BAZ2B: variants seen among roughly 807,000 people sequenced by gnomAD.
BAZ2B encodes the protein bromodomain adjacent to zinc finger domain protein 2B.
BAZ2B carries 91 observed loss-of-function variants against 246.0 expected under a neutral mutation model. The ratio of observed to expected loss-of-function variants is 0.37; its 90% CI spans 0.31 to 0.44. BAZ2B has a LOEUF of 0.44. Among genes scored for constraint, BAZ2B ranks in the 20% least tolerant of loss-of-function variants. The pLI, the probability that BAZ2B is intolerant of heterozygous loss-of-function variation, is 1.00. For missense variants in BAZ2B, 2,332 were observed against 2,533.7 expected, an observed-to-expected ratio of 0.92 and a Z score of 1.71; for synonymous variants, 855 against 860.0, an observed-to-expected ratio of 0.99 and a Z score of 0.10.
intron 3 of BAZ2B, among the ~76,000 whole-genome samples, chr2:159,473,728 T>G (rs1246493198): frequency 6.6e-6 from 1 of 152,212 alleles, no homozygotes; most frequent in African/African-American, 2.4e-5. Flanking sequence ...AAACACTGCT[T>G]TAGCTGTGTC....
chr2:159,350,909 C>T (rs991046620), intron 27 of BAZ2B, among the ~76,000 whole-genome samples: 1 of 114,612 alleles, frequency 8.7e-6, no homozygotes, highest in Non-Finnish European at 1.9e-5. Context: ...AATTAAAATC[C>T]GGTGGGGGGA....
chr2:159,685,822 A>G, the BAZ2B span, among the ~76,000 whole-genome samples: 1 of 152,260 alleles, frequency 6.6e-6, no homozygotes, highest in South Asian at 2.1e-4. Context: ...AATCTTCCTT[A>G]CAGGATATGT....
intron 1 of BAZ2B, among the ~76,000 whole-genome samples, chr2:159,571,731 C>T (rs1256409339): frequency 1.3e-5 from 2 of 152,088 alleles, no homozygotes; most frequent in Admixed American, 1.3e-4. Flanking sequence ...CTGGGAAGTC[C>T]AAGAGCATGG....
chr2:159,441,035 A>C (rs2073299318), intron 6 of BAZ2B, among the ~76,000 whole-genome samples: 1 of 152,176 alleles, frequency 6.6e-6, no homozygotes, highest in South Asian at 2.1e-4. Context: ...TATTAATATT[A>C]AGACTACCAT....
chr2:159,367,381 G>A (rs911481198), intron 27 of BAZ2B, among the ~76,000 whole-genome samples: 13 of 152,066 alleles, frequency 8.5e-5, no homozygotes, highest in African/African-American at 3.1e-4. Flanking sequence ...TGTAATGCTT[G>A]TGGTATATAT....
chr2:159,679,041 G>T, the BAZ2B span, among the ~76,000 whole-genome samples: 1 of 152,128 alleles, frequency 6.6e-6, no homozygotes, highest in Non-Finnish European at 1.5e-5. Flanking sequence ...GGGAGGCCGA[G>T]GCGGGCGGAT....
At chr2:159,612,231 T>G (rs1317014336) in intron 1 of BAZ2B, among the ~76,000 whole-genome samples, 1 of 152,064 alleles carries the variant, frequency 6.6e-6, no homozygotes, top group Non-Finnish European at 1.5e-5. Context: ...TTTTCTTTTG[T>G]GATTACTTCC....
intron 31 of BAZ2B, among the ~76,000 whole-genome samples, chr2:159,341,098 G>A (rs1479359394): frequency 2.6e-5 from 4 of 151,794 alleles, no homozygotes; most frequent in Non-Finnish European, 4.4e-5. Flanking sequence ...AAAAAAACAA[G>A]GCCCAACTAT....
At chr2:159,631,777 G>A in the BAZ2B span, among the ~76,000 whole-genome samples, 1 of 151,986 alleles carries the variant, frequency 6.6e-6, no homozygotes, top group Non-Finnish European at 1.5e-5. Flanking sequence ...TTTGAAAACT[G>A]GTAAATAAAG....
At chr2:159,680,782 T>C in the BAZ2B span, among the ~76,000 whole-genome samples, 136 of 152,336 alleles carry the variant, frequency 8.9e-4, no homozygotes, top group African/African-American at 3.2e-3. Context: ...TTACCCCCTA[T>C]TGCAAAATAA....
chr2:159,373,029 G>T lies in BAZ2B; in HGVS notation c.4213+16C>A. On this transcript the variant is annotated intron_variant, in intron 27 of 36. Transcript: ENST00000392783. Reference sequence around the variant, plus strand: ...GTTTCTTATTTAACAATTTGTATCGGATTATGAGTTCTAACCTTCACCACT... The same window carrying T: ...GTTTCTTATTTAACAATTTGTATCGTATTATGAGTTCTAACCTTCACCACT... 1 of 1,598,490 alleles carries T rather than the reference G, an allele frequency of 6.3e-7. No homozygotes were observed. Among genetic ancestry groups the T allele is most frequent in the Non-Finnish European group, 8.5e-7 (1 of 1,174,812 alleles).
At chr2:159,621,458 A>G (rs1196184729), upstream of BAZ2B, among the ~76,000 whole-genome samples, 1 of 152,232 alleles carries the variant, frequency 6.6e-6, no homozygotes, top group African/African-American at 2.4e-5. Flanking sequence ...AAACACAGGA[A>G]ATCTTGAAAA....
rs183657195 is a variant in BAZ2B, at chr2:159,610,928, T to C, written c.-46+5314A>G. Among the ~76,000 whole-genome samples, 12 of 152,182 alleles carry C rather than the reference T, an allele frequency of 7.9e-5. No individual in the cohort carries two copies. In the East Asian group the frequency reaches 1.9e-3, roughly 24 times the overall value. The stretch of plus-strand genomic sequence containing the variant: ...TAAATATTTTATATTTCAAACTCTA[T>C]TATGACTGCCACAAATCAAATAGCA... On this transcript the variant is annotated intron_variant, in intron 1 of 36. Coordinates refer to ENST00000392783, the MANE Select transcript of BAZ2B (RefSeq NM_013450.4).
At chr2:159,676,955 TATATATATA>T in the BAZ2B span, among the ~76,000 whole-genome samples, 22 of 25,846 alleles carry the variant, frequency 8.5e-4, no homozygotes, top group Middle Eastern at 0.067. Flanking sequence ...AGTTTTGTTA[TATATATATA>T]TATATATATA....
intron 1 of BAZ2B, among the ~76,000 whole-genome samples, chr2:159,565,343 C>T (rs1265888342): frequency 6.6e-6 from 1 of 152,110 alleles, no homozygotes; most frequent in African/African-American, 2.4e-5. Context: ...GGTACTATAC[C>T]TAGAGGGGGA....
chr2:159,513,872 C>T (rs1409649671), intron 2 of BAZ2B, among the ~76,000 whole-genome samples: 4 of 152,130 alleles, frequency 2.6e-5, no homozygotes, highest in Non-Finnish European at 4.4e-5. Flanking sequence ...GAATAACCCA[C>T]TCACTCATTT....
At chr2:159,495,820 A>C (rs2081055742) in intron 2 of BAZ2B, among the ~76,000 whole-genome samples, 3 of 150,218 alleles carry the variant, frequency 2.0e-5, no homozygotes, top group Non-Finnish European at 4.4e-5. Context: ...CCCAGGCTGC[A>C]GTGCAGTGGG....
chr2:159,552,626 T>C (rs2088448228), intron 2 of BAZ2B, among the ~76,000 whole-genome samples: 1 of 152,202 alleles, frequency 6.6e-6, no homozygotes, highest in Non-Finnish European at 1.5e-5. Context: ...ATCTAAGCTC[T>C]TTTCTATCCA....
At chr2:159,401,484 A>G (rs1039544131) in intron 16 of BAZ2B, among the ~76,000 whole-genome samples, 4 of 152,216 alleles carry the variant, frequency 2.6e-5, no homozygotes, top group African/African-American at 9.6e-5. Context: ...TTGTAACATT[A>G]TTATTAACAA....
Sources: allele counts gnomAD v4.1 joint callset (sites outside exome capture counted in the v4.1 genomes callset), GRCh38; gene constraint gnomAD v4.1.1; transcripts MANE v1.5; gene names NCBI Gene and HGNC (gene_info 2026-07-23, HGNC 2026-07-21).